The following NTM variants were observed in gnomAD, a reference collection of about 807,000 sequenced individuals.
NTM encodes the protein IgLON family member 2.
In NTM, 13 loss-of-function variants were observed where a neutral mutation model predicts 42.1. That is an observed-to-expected ratio of 0.31 (90% CI 0.20 to 0.49). The LOEUF (loss-of-function observed/expected upper bound fraction) is 0.49, where lower values mean the gene tolerates loss of function less well. NTM is among the 20% of genes least tolerant of loss of function. The pLI, the probability that NTM is intolerant of heterozygous loss-of-function variation, is 0.99. For synonymous variants in NTM, 187 were observed against 179.2 expected (o/e 1.04, Z -0.35); for missense variants, 373 against 452.8 (o/e 0.82, Z 1.60).
At chr11:131,815,768 T>A (rs1464438536) in intron 1 of NTM, among the ~76,000 whole-genome samples, 1 of 152,218 alleles carries the variant, frequency 6.6e-6, no homozygotes, top group Non-Finnish European at 1.5e-5. Flanking sequence ...CTGACTGAGC[T>A]GACCCTGATA....
intron 1 of NTM, among the ~76,000 whole-genome samples, chr11:131,598,751 CTTTCTTCTTTCT>C (rs2060095175): frequency 2.9e-5 from 2 of 68,706 alleles, no homozygotes; most frequent in Admixed American, 1.6e-4. Context: ...TTCTTTCTTT[CTTTCTTCTTTCT>C]TTTTTTCTTT....
At chr11:131,482,439 A>C (rs1362045886) in intron 1 of NTM, among the ~76,000 whole-genome samples, 1 of 152,204 alleles carries the variant, frequency 6.6e-6, no homozygotes, top group Non-Finnish European at 1.5e-5. Context: ...ACAGATCGAC[A>C]AAAGCGTGAC....
intron 2 of NTM, among the ~76,000 whole-genome samples, chr11:131,938,344 G>A (rs996566719): frequency 1.3e-5 from 2 of 152,214 alleles, no homozygotes; most frequent in Non-Finnish European, 2.9e-5. Context: ...CTGAGAGGAA[G>A]CACAGAATTC....
intron 1 of NTM, among the ~76,000 whole-genome samples, chr11:131,732,696 G>A (rs1426096028): frequency 6.6e-6 from 1 of 152,150 alleles, no homozygotes; most frequent in Non-Finnish European, 1.5e-5. Context: ...CAATGCACCG[G>A]GCTTGAGATA....
At chr11:131,714,462 A>G (rs754766672) in intron 1 of NTM, among the ~76,000 whole-genome samples, 1 of 152,116 alleles carries the variant, frequency 6.6e-6, no homozygotes, top group Non-Finnish European at 1.5e-5. Flanking sequence ...AATTGTTGGG[A>G]TTACAGATGT....
intron 2 of NTM, among the ~76,000 whole-genome samples, chr11:131,915,062 T>A (rs1044244139): frequency 2.6e-5 from 4 of 152,206 alleles, no homozygotes; most frequent in Admixed American, 2.0e-4. Context: ...CATAGTACTA[T>A]CATTGGTCTG....
chr11:131,765,641 G>T (rs554304008), intron 1 of NTM, among the ~76,000 whole-genome samples: 1 of 152,172 alleles, frequency 6.6e-6, no homozygotes, highest in African/African-American at 2.4e-5. Flanking sequence ...TGATCATTTG[G>T]CTTTATGTCT....
At chr11:131,526,605 T>A (rs1270462354) in intron 1 of NTM, among the ~76,000 whole-genome samples, 1 of 152,204 alleles carries the variant, frequency 6.6e-6, no homozygotes, top group Non-Finnish European at 1.5e-5. Context: ...GCTCTAATCC[T>A]TGTGTGCACA....
At position 131,385,819 on chromosome 11, in the gene NTM, C is replaced by T. The variant is rs576903123; in HGVS notation, c.82+14931C>T. 1.9e-4 allele frequency among the ~76,000 whole-genome samples: 29 copies of T among 152,290 alleles called. 1 individual carries two copies. The highest frequency in any genetic ancestry group is 1.6e-3 in the Admixed American group (24 of 15,304). ...GCTACAGTGAGCTATGATTGCACCACCGCACTCCAGCCTGCACAGCAGAGC... is the reference window on the plus strand; with the variant it reads ...GCTACAGTGAGCTATGATTGCACCATCGCACTCCAGCCTGCACAGCAGAGC... On this transcript the variant is annotated intron_variant, in intron 1 of 8. Coordinates refer to ENST00000683400, the MANE Select transcript of NTM (RefSeq NM_001352005.2).
intron 1 of NTM, among the ~76,000 whole-genome samples, chr11:131,684,019 G>T (rs2073431766): frequency 6.6e-6 from 1 of 152,176 alleles, no homozygotes; most frequent in African/African-American, 2.4e-5. Context: ...GCAGAGTTGG[G>T]TTCTAATTCT....
At position 131,632,673 on chromosome 11, in the gene NTM, C is replaced by CTTTT. The variant is rs529612626; in HGVS notation, c.82+261801_82+261804dup. Among the ~76,000 whole-genome samples, 38 of 83,056 alleles carry CTTTT rather than the reference C, an allele frequency of 4.6e-4. 1 individual carries two copies. The highest frequency in any genetic ancestry group is 2.5e-4 in the Non-Finnish European group (12 of 47,370). 54.5% of individuals were successfully genotyped at this position (83,056 alleles called of 152,430 possible). ...TTTCATCTTGGTCATGCTCGGGCAGCTTTTTTTTTTTTTTTTTTTGAGACG... is the reference window on the plus strand; with the variant it reads ...TTTCATCTTGGTCATGCTCGGGCAGCTTTTTTTTTTTTTTTTTTTTTTTGAGACG... On this transcript the variant is annotated intron_variant, in intron 1 of 8. Coordinates refer to ENST00000683400, the MANE Select transcript of NTM (RefSeq NM_001352005.2).
At chr11:131,875,415 T>G (rs887417192) in intron 1 of NTM, among the ~76,000 whole-genome samples, 5 of 152,230 alleles carry the variant, frequency 3.3e-5, no homozygotes, top group Admixed American at 1.3e-4. Flanking sequence ...AGGCTCTGAA[T>G]TTTTGGAATG....
intron 1 of NTM, among the ~76,000 whole-genome samples, chr11:131,506,472 G>A (rs1236502497): frequency 3.3e-5 from 5 of 152,230 alleles, no homozygotes; most frequent in Non-Finnish European, 7.3e-5. Context: ...CAGTTACTGA[G>A]ATGGCGTGTC....
chr11:131,875,461 A>G (rs534323115), intron 1 of NTM, among the ~76,000 whole-genome samples: 15 of 152,320 alleles, frequency 9.8e-5, no homozygotes, highest in African/African-American at 3.4e-4. Flanking sequence ...TGAATCTATA[A>G]TAATGCAGAA....
chr11:132,103,999 G>T (rs1397596456), intron 2 of NTM, among the ~76,000 whole-genome samples: 1 of 152,174 alleles, frequency 6.6e-6, no homozygotes, highest in East Asian at 1.9e-4. Flanking sequence ...TATGCGTATG[G>T]TATACACCAA....
intron 1 of NTM, among the ~76,000 whole-genome samples, chr11:131,783,727 G>A (rs1188553992): frequency 6.6e-6 from 1 of 152,050 alleles, no homozygotes; most frequent in Non-Finnish European, 1.5e-5. Context: ...GCCTTGAGTA[G>A]GTAAATATTT....
intron 1 of NTM, among the ~76,000 whole-genome samples, chr11:131,592,940 G>A (rs2458784): frequency 0.77 from 116,457 of 152,014 alleles, 44,602 homozygotes; most frequent in South Asian, 0.82. Flanking sequence ...TGGAATTGCA[G>A]TTCTCCTTGT....
intron 3 of NTM, among the ~76,000 whole-genome samples, chr11:132,181,969 T>TATTATTATTATTATC (rs2077648034): frequency 1.4e-5 from 2 of 147,250 alleles, no homozygotes; most frequent in Non-Finnish European, 3.0e-5. Context: ...TTATTATTAT[T>TATTATTATTATTATC]ATTATTATTA....
At chr11:131,826,576 A>AAAT (rs2042156550) in intron 1 of NTM, among the ~76,000 whole-genome samples, 1 of 151,088 alleles carries the variant, frequency 6.6e-6, no homozygotes, top group East Asian at 1.9e-4. Flanking sequence ...AAAAAAAAAA[A>AAAT]GTCAGAAAAA....
Sources: allele counts gnomAD v4.1 joint callset (sites outside exome capture counted in the v4.1 genomes callset), GRCh38; gene constraint gnomAD v4.1.1; transcripts MANE v1.5; gene names NCBI Gene and HGNC (gene_info 2026-07-23, HGNC 2026-07-21).